RYR2: variants seen among roughly 807,000 people sequenced by gnomAD.
RYR2 encodes cardiac muscle ryanodine receptor-calcium release channel.
A neutral mutation model predicts 601.1 loss-of-function variants in RYR2; 227 were observed. The ratio of observed to expected loss-of-function variants is 0.38; its 90% CI spans 0.34 to 0.42. The LOEUF is 0.42. Among genes scored for constraint, RYR2 ranks in the 10% least tolerant of loss-of-function variants. The pLI is 1.00. For missense variants in RYR2, 4,646 were observed against 6,156.5 expected (o/e 0.75, Z 8.21); for synonymous variants, 2,223 against 2,175.1 (o/e 1.02, Z -0.61).
chr1:237,471,783 G>A (rs1415130160), intron 17 of RYR2, among the ~76,000 whole-genome samples: 1 of 152,190 alleles, frequency 6.6e-6, no homozygotes, highest in Non-Finnish European at 1.5e-5. Context: ...CAGTCAATCT[G>A]TTGATTGCAG....
At chr1:237,492,824 AAAGGAAGGAAGGAAGG>A (rs748804324) in intron 18 of RYR2, 114 bp from the exon 19 acceptor site, 27,633 of 773,574 alleles carry the variant, frequency 0.036, 749 homozygotes, top group Non-Finnish European at 0.044. Flanking sequence ...ATGCTGTCTG[AAAGGAAGGAAGGAAGG>A]AAGGAAGGAA....
At chr1:237,743,178 G>A (rs1691766119) in intron 80 of RYR2, among the ~76,000 whole-genome samples, 1 of 151,962 alleles carries the variant, frequency 6.6e-6, no homozygotes, top group African/African-American at 2.4e-5. Flanking sequence ...CTAGAAGTCT[G>A]GAAATATATC....
chr1:237,513,841 T>C (rs577629088), intron 24 of RYR2, among the ~76,000 whole-genome samples: 1 of 152,312 alleles, frequency 6.6e-6, no homozygotes, highest in South Asian at 2.1e-4. Context: ...AAGACCCATT[T>C]CTCAGAGTAT....
intron 1 of RYR2, among the ~76,000 whole-genome samples, chr1:237,130,131 A>G (rs1671998899): frequency 6.6e-6 from 1 of 151,992 alleles, no homozygotes; most frequent in South Asian, 2.1e-4. Context: ...ATGTGAGGTG[A>G]TAGATATGTT....
At position 237,566,684 on chromosome 1, in the gene RYR2, G is replaced by C. The variant is rs756533776; in HGVS notation, c.3332G>C (p.Gly1111Ala). ...TTTGAATTTGAGACGGTCACTGCTG[G>C]AGACATGAGGGTTGGTTGGAGTCGT... ...WYFEFETVTA[G>A]DMRVGWSRPG... Residue 1111 changes from glycine (G) to alanine (A), a missense_variant, in exon 28 of 105, where the codon GGA (glycine) becomes GCA (alanine). This residue lies in a region of RYR2 where 1,807 missense variants were observed against 2,088.1 expected (regional missense o/e 0.87). Coordinates refer to ENST00000366574, the MANE Select transcript of RYR2 (RefSeq NM_001035.3). 2.5e-6 allele frequency: 4 copies of C among 1,613,984 alleles called. No individual in the cohort carries two copies. In the Admixed American group the frequency reaches 6.7e-5, roughly 27 times the overall value.
At chr1:237,604,923 A>G (rs973441993) in intron 35 of RYR2, among the ~76,000 whole-genome samples, 2 of 152,172 alleles carry the variant, frequency 1.3e-5, no homozygotes, top group African/African-American at 2.4e-5. Flanking sequence ...CATTGAGGCA[A>G]TAATTAATAG....
intron 2 of RYR2, among the ~76,000 whole-genome samples, chr1:237,305,511 A>C (rs1693780574): frequency 1.3e-5 from 2 of 152,228 alleles, no homozygotes; most frequent in Admixed American, 1.3e-4. Flanking sequence ...TGCTTACTGC[A>C]GCCTGGACCT....
At chr1:237,693,723 C>G (rs1170084190) in intron 63 of RYR2, among the ~76,000 whole-genome samples, 1 of 151,956 alleles carries the variant, frequency 6.6e-6, no homozygotes, top group Non-Finnish European at 1.5e-5. Flanking sequence ...CTGACTTATA[C>G]CAGTAGATAA....
chr1:237,706,550 A>C (rs12125625), intron 67 of RYR2, among the ~76,000 whole-genome samples: 6,531 of 152,202 alleles, frequency 0.043, 177 homozygotes, highest in Middle Eastern at 0.075. Context: ...AGGGCTGAAA[A>C]TACAGGTCTG....
chr1:237,700,490 G>GTTT (rs371120316), intron 65 of RYR2, 23 bp downstream of exon 65: 139 of 975,302 alleles, frequency 1.4e-4, no homozygotes, highest in Middle Eastern at 2.3e-4. Context: ...ATATCTTGGA[G>GTTT]TTTTTTTTTT....
chr1:237,052,561 A>G (rs1315098916), intron 1 of RYR2, among the ~76,000 whole-genome samples: 1 of 152,190 alleles, frequency 6.6e-6, no homozygotes, highest in Non-Finnish European at 1.5e-5. Context: ...GATTCATTTT[A>G]TTTTTGAAAC....
rs181515089 is a variant in RYR2, at chr1:237,736,324, G to A, written c.11091+2568G>A. On this transcript the variant is annotated intron_variant, in intron 79 of 104. Coordinates refer to ENST00000366574, the MANE Select transcript of RYR2 (RefSeq NM_001035.3). ...AAAAATACAAAAATTAGCCAGGCAC[G>A]GTGGTGCACACCTGTAATCCCAGCT... 2.0e-3 allele frequency among the ~76,000 whole-genome samples: 304 copies of A among 152,066 alleles called. 1 individual carries two copies. The highest frequency in any genetic ancestry group is 7.0e-3 in the African/African-American group (291 of 41,486).
chr1:237,759,595 G>A (rs1033938938), intron 82 of RYR2, among the ~76,000 whole-genome samples, 181 bp from the exon 83 acceptor site: 16 of 152,292 alleles, frequency 1.1e-4, no homozygotes, highest in African/African-American at 3.6e-4. Flanking sequence ...TTCCAAGTTT[G>A]CGTAACTATC....
chr1:237,462,314 A>G (rs1659573951), intron 16 of RYR2, among the ~76,000 whole-genome samples: 1 of 152,194 alleles, frequency 6.6e-6, no homozygotes, highest in African/African-American at 2.4e-5. Flanking sequence ...AATCTATAAC[A>G]ATTTTGCATT....
At chr1:237,595,962 C>G (rs996649690) in intron 34 of RYR2, among the ~76,000 whole-genome samples, 4 of 152,120 alleles carry the variant, frequency 2.6e-5, no homozygotes, top group African/African-American at 9.7e-5. Flanking sequence ...GCTGAAGAAT[C>G]TGCACAGATA....
chr1:237,308,464 C>T (rs904755708), intron 2 of RYR2, among the ~76,000 whole-genome samples: 7 of 152,166 alleles, frequency 4.6e-5, no homozygotes, highest in Non-Finnish European at 1.0e-4. Flanking sequence ...ATCTAAGAAT[C>T]CTCCCTTGGA....
chr1:237,806,005 T>C, intron 98 of RYR2, 132 bp from the exon 99 acceptor site: 1 of 736,002 alleles, frequency 1.4e-6, no homozygotes, highest in Non-Finnish European at 2.2e-6. Context: ...AGATTAACTT[T>C]TTAAGATTCC....
chr1:237,303,920 A>C (rs551224186), intron 2 of RYR2, among the ~76,000 whole-genome samples: 13 of 152,320 alleles, frequency 8.5e-5, no homozygotes, highest in African/African-American at 3.1e-4. Flanking sequence ...ATAATTCAGT[A>C]ATTCCAACCA....
chr1:237,450,054 T>C (rs1657897056), intron 14 of RYR2, among the ~76,000 whole-genome samples: 1 of 152,148 alleles, frequency 6.6e-6, no homozygotes, highest in African/African-American at 2.4e-5. Flanking sequence ...GAATACTCTA[T>C]CCAGTGTCCC....
Sources: gnomAD v4.1 joint callset for allele counts (sites outside exome capture counted in the v4.1 genomes callset) on GRCh38, gnomAD v4.1.1 for gene constraint, gnomAD v4.1.1 regional missense constraint, MANE v1.5 for transcripts, NCBI Gene and HGNC (gene_info 2026-07-23, HGNC 2026-07-21) for gene names.